Variants in DLEC1 observed in about 807,000 individuals in gnomAD.
The protein encoded by DLEC1 is DLEC1 cilia and flagella associated protein.
A neutral mutation model predicts 198.1 loss-of-function variants in DLEC1; 146 were observed. That is an observed-to-expected ratio of 0.74 (90% CI 0.64 to 0.85). The LOEUF is 0.85. Among genes scored for constraint, DLEC1 ranks in the 40% least tolerant of loss-of-function variants. The probability of loss-of-function intolerance (pLI) is 0.00; values close to 1 mark genes in which losing one functional copy is unlikely to be tolerated. For synonymous variants in DLEC1, 897 were observed against 866.8 expected, an observed-to-expected ratio of 1.03 and a Z score of -0.61; for missense variants, 2,233 against 2,220.0, an observed-to-expected ratio of 1.01 and a Z score of -0.12.
At chr3:38,093,540 A>C in intron 11 of DLEC1, 65 bp from the exon 12 acceptor site, 1 of 1,591,326 alleles carries the variant, frequency 6.3e-7, no homozygotes, top group South Asian at 1.1e-5. Flanking sequence ...TGGGTCCTGC[A>C]GCAGCCTTGG....
chr3:38,114,423 T>C lies in DLEC1; in HGVS notation c.3748T>C (p.Tyr1250His). The change falls in exon 26 of 37, where the codon TAC (tyrosine) becomes CAC (histidine). Residue 1250 changes from tyrosine (Y) to histidine (H), a missense_variant. By Grantham distance (83) the Tyr-to-His change is moderately conservative (BLOSUM62 2). Transcript: ENST00000308059. ...CATCAGCTCCCTGAGGACCACCTCC[T>C]ACACTATTGACCAGGCCCAGAAGGA... ...CPISSLRTTSYTIDQAQKEPA... is the reference protein window; with the variant it reads ...CPISSLRTTSHTIDQAQKEPA... 6.2e-7 allele frequency: 1 copy of C among 1,614,214 alleles called. No homozygotes were observed. Among genetic ancestry groups the C allele is most frequent in the Non-Finnish European group, 8.5e-7 (1 of 1,180,022 alleles).
chr3:38,117,265 C>G lies in DLEC1; in HGVS notation c.4363C>G (p.Leu1455Val). 6.2e-7 allele frequency: 1 copy of G among 1,614,136 alleles called. No individual in the cohort carries two copies. The highest frequency in any genetic ancestry group is 8.5e-7 in the Non-Finnish European group (1 of 1,179,996). The change falls in exon 31 of 37, where the codon CTG becomes GTG. Residue 1455 changes from leucine (L) to valine (V), a missense_variant. Physicochemically the swap from Leu to Val is conservative, Grantham distance 32. Coordinates refer to ENST00000308059, the MANE Select transcript of DLEC1 (RefSeq NM_007335.4). ...CCTGCAGGACTTTGCGGTGGGACCCCTGAAACTGGACCTGCATAGCTACGT... is the reference window on the plus strand; with the variant it reads ...CCTGCAGGACTTTGCGGTGGGACCCGTGAAACTGGACCTGCATAGCTACGT... ...HRLQDFAVGPLKLDLHSYVRP... is the reference protein window; with the variant it reads ...HRLQDFAVGPVKLDLHSYVRP...
intron 7 of DLEC1, 56 bp from the exon 8 acceptor site, chr3:38,085,218 A>C (rs1450066176): frequency 1.9e-6 from 3 of 1,595,566 alleles, no homozygotes; most frequent in Non-Finnish European, 1.7e-6. Flanking sequence ...GCTGAGCTCA[A>C]GCCCTGGTGG....
chr3:38,111,130 A>G (rs1167655071), intron 23 of DLEC1, among the ~76,000 whole-genome samples: 1 of 152,116 alleles, frequency 6.6e-6, no homozygotes, highest in African/African-American at 2.4e-5. Context: ...TTTTTTCTGG[A>G]ATCTCCACTG....
chr3:38,056,062 T>TACACACAC (rs57610638), intron 2 of DLEC1, among the ~76,000 whole-genome samples: 83 of 120,526 alleles, frequency 6.9e-4, no homozygotes, highest in South Asian at 1.8e-3. Context: ...CTACAAAAAA[T>TACACACAC]ACACACACAC....
chr3:38,099,542 A>G (rs1055392654), intron 18 of DLEC1, among the ~76,000 whole-genome samples: 2 of 152,040 alleles, frequency 1.3e-5, no homozygotes, highest in African/African-American at 4.8e-5. Context: ...AGCTGCTGAA[A>G]CCCAACCCTA....
intron 23 of DLEC1, among the ~76,000 whole-genome samples, 189 bp from the exon 24 acceptor site, chr3:38,111,488 G>T (rs886770862): frequency 6.6e-6 from 1 of 152,200 alleles, no homozygotes; most frequent in Non-Finnish European, 1.5e-5. Flanking sequence ...AATGGTAGGG[G>T]TACAGTGGGA....
chr3:38,121,541 C>T (rs1486716196), intron 34 of DLEC1, 87 bp from the exon 35 acceptor site: 28 of 1,501,148 alleles, frequency 1.9e-5, no homozygotes, highest in Non-Finnish European at 1.5e-5. Flanking sequence ...GGAGCATCAG[C>T]ACTTGGGGTC....
At position 38,087,834 on chromosome 3, in the gene DLEC1, C is replaced by T. The variant is rs1175514600; in HGVS notation, c.1573-462C>T. ...AGGCACTGGGGCTGCAGCTCTCGTG[C>T]CTCAGGAGCTTGTAGCCAGGGGTGG... On this transcript the variant is annotated intron_variant, in intron 9 of 36. Transcript: ENST00000308059. 2.6e-5 allele frequency among the ~76,000 whole-genome samples: 4 copies of T among 152,340 alleles called. No homozygotes were observed. In the East Asian group the frequency reaches 7.7e-4, roughly 29 times the overall value.
In DLEC1 at chr3:38,111,767, G is replaced by A; in HGVS notation, c.3514+20G>A. The A allele has an allele frequency of 6.2e-7, 1 of 1,606,424 alleles. No individual in the cohort carries two copies. Among genetic ancestry groups the A allele is most frequent in the Non-Finnish European group, 8.5e-7 (1 of 1,178,996 alleles). On this transcript the variant is annotated intron_variant, in intron 24 of 36. Coordinates refer to ENST00000308059, the MANE Select transcript of DLEC1 (RefSeq NM_007335.4). ...AGCTGGGTAAGCGCCACCAGGGTGG[G>A]GCTTCGGGGCCCAGGCCACGGCCAG...
intron 1 of DLEC1, among the ~76,000 whole-genome samples, chr3:38,044,226 A>G (rs1393377493): frequency 1.3e-5 from 2 of 152,126 alleles, no homozygotes; most frequent in Non-Finnish European, 2.9e-5. Flanking sequence ...AGGCTAAGCC[A>G]CAAAGCAAGA....
At chr3:38,094,739 AG>A in intron 12 of DLEC1, 139 bp from the exon 13 acceptor site, 1 of 915,344 alleles carries the variant, frequency 1.1e-6, no homozygotes, top group Non-Finnish European at 1.6e-6. Flanking sequence ...CTCCATTGGA[AG>A]GGTGTGAAGG....
In DLEC1 at chr3:38,060,377, T is replaced by A. The variant is rs147029227; in HGVS notation, c.673+525T>A. ...GAATGAGTGGGGTGGGAGGCTGTGA[T>A]GTGGGCTTAAGCAGCGAGTTAGACT... On this transcript the variant is annotated intron_variant, in intron 3 of 36. Coordinates refer to ENST00000308059, the MANE Select transcript of DLEC1 (RefSeq NM_007335.4). 2.7e-3 allele frequency among the ~76,000 whole-genome samples: 405 copies of A among 152,008 alleles called. 4 individuals carry two copies. The highest frequency in any genetic ancestry group is 0.01 in the Middle Eastern group (3 of 294).
In DLEC1 at chr3:38,116,899, G is replaced by A; in HGVS notation, c.4179+10G>A. 1 of 1,612,602 alleles carries A rather than the reference G, an allele frequency of 6.2e-7. No homozygotes were observed. The highest frequency in any genetic ancestry group is 8.5e-7 in the Non-Finnish European group (1 of 1,179,248). On this transcript the variant is annotated intron_variant, in intron 29 of 36. Transcript: ENST00000308059. ...CAGCCCCAAGCAGGTGGTGAGTTGG[G>A]GTATGGGCTGGGAGCTGTCTGCATT...
At chr3:38,090,952 C>A (rs1021225649) in intron 10 of DLEC1, among the ~76,000 whole-genome samples, 1 of 152,168 alleles carries the variant, frequency 6.6e-6, no homozygotes, top group Non-Finnish European at 1.5e-5. Flanking sequence ...CCACCCTGCT[C>A]TTCTAGATTA....
rs1466995491 is a variant in DLEC1, at chr3:38,096,599, C to G, written c.2202C>G (p.Ser734=). 1 of 1,612,256 alleles carries G rather than the reference C, an allele frequency of 6.2e-7. No homozygotes were observed. Among genetic ancestry groups the G allele is most frequent in the South Asian group, 1.1e-5 (1 of 90,996 alleles). The change falls in exon 15 of 37, where the codon TCC becomes TCG. Residue 734 remains serine, a synonymous_variant. Transcript: ENST00000308059. ...AAGCGGAGAGCCTGGGGCACTCCTC[C>G]TACTCTGTGGATGATGTGATTGTCC... The part of the protein sequence containing the change: ...SSEAESLGHS[S]YSVDDVIVLE...
intron 18 of DLEC1, among the ~76,000 whole-genome samples, chr3:38,098,370 T>C (rs1004165585): frequency 4.6e-5 from 7 of 152,198 alleles, no homozygotes; most frequent in Non-Finnish European, 1.0e-4. Context: ...TCAAGATTTA[T>C]TTCGACTCAA....
In DLEC1 at chr3:38,123,370, G is replaced by A; in HGVS notation, c.*958G>A. 2.0e-6 allele frequency: 1 copy of A among 498,930 alleles called. No individual in the cohort carries two copies. The highest frequency in any genetic ancestry group is 3.6e-6 in the Non-Finnish European group (1 of 277,596). The allele number at this position is 498,930 out of a possible 1,614,324, so 30.9% of individuals were successfully genotyped here. ...CATGCCCCTACATCCTAAGTTCAGG[G>A]TGTTTCTGTGTGCATGTTCCCCTCC... On this transcript the variant is annotated 3_prime_UTR_variant, in exon 37 of 37. Transcript: ENST00000308059.
chr3:38,108,622 T>C lies in DLEC1; in HGVS notation c.3129+107T>C, dbSNP rs1699696229. The stretch of plus-strand genomic sequence containing the variant: ...GCTTAGGCCACATTGCTGGTTCTTG[T>C]GGGTGGGGAAGAGATTTCTTGCATT... On this transcript the variant is annotated intron_variant, in intron 21 of 36. Transcript: ENST00000308059. The C allele has an allele frequency of 4.6e-6, 4 of 861,584 alleles. No homozygotes were observed. The Admixed American group carries it at 8.5e-5, about 18-fold the overall frequency. The allele number at this position is 861,584 out of a possible 1,614,324, so 53.4% of individuals were successfully genotyped here.
Sources: gnomAD v4.1 joint callset for allele counts (sites outside exome capture counted in the v4.1 genomes callset) on GRCh38, gnomAD v4.1.1 for gene constraint, MANE v1.5 for transcripts, NCBI Gene and HGNC (gene_info 2026-07-23, HGNC 2026-07-21) for gene names.